The following SLC36A3 variants were observed in gnomAD, a reference collection of about 807,000 sequenced individuals.
The protein encoded by SLC36A3 is solute carrier family 36 member 3.
Under a neutral mutation model 44.3 loss-of-function variants are expected in SLC36A3, and 35 were observed. The observed-to-expected ratio is 0.79, with a 90% CI of 0.60 to 1.05. The LOEUF (loss-of-function observed/expected upper bound fraction) is 1.05, where lower values mean the gene tolerates loss of function less well. Ranked by LOEUF, SLC36A3 falls within the 50% of genes least tolerant of loss-of-function variation. SLC36A3 has a pLI of 0.00. For missense variants in SLC36A3, 540 were observed against 578.7 expected, an observed-to-expected ratio of 0.93 and a Z score of 0.69; for synonymous variants, 211 against 227.6, an observed-to-expected ratio of 0.93 and a Z score of 0.66.
Position 151,284,228 on chromosome 5 carries a change from AG to A in SLC36A3, c.808-19del. ...GGCAGAACCTGGAGGGAAAAAAAAA[AG>A]TTGGGAAAGAAAAGGTAGAAAGAGA... is the stretch of plus-strand genomic sequence containing the variant. On this transcript the variant is annotated intron_variant, in intron 7 of 9. Coordinates refer to ENST00000335230, the MANE Select transcript of SLC36A3 (RefSeq NM_181774.4). The A allele has an allele frequency of 6.3e-7, 1 of 1,588,104 alleles. No individual in the cohort carries two copies. The highest frequency in any genetic ancestry group is 8.5e-7 in the Non-Finnish European group (1 of 1,171,664).
intron 6 of SLC36A3, among the ~76,000 whole-genome samples, chr5:151,285,840 G>A (rs1405292787): frequency 1.3e-5 from 2 of 152,146 alleles, no homozygotes; most frequent in African/African-American, 4.8e-5. Context: ...CTGAGCCAAG[G>A]CACACAGACA....
At chr5:151,293,259 T>G in intron 4 of SLC36A3, 105 bp downstream of exon 4, 1 of 940,356 alleles carries the variant, frequency 1.1e-6, no homozygotes, top group Non-Finnish European at 1.6e-6. Flanking sequence ...TATTGTTTGA[T>G]AGTTTACAAT....
chr5:151,296,442 G>A (rs1754962653), intron 2 of SLC36A3, 174 bp from the exon 3 acceptor site: 2 of 645,412 alleles, frequency 3.1e-6, no homozygotes, highest in Non-Finnish European at 5.6e-6. Flanking sequence ...GCTCTTCTTA[G>A]CATCCCTGTA....
At chr5:151,296,661 A>C (rs1056231357) in intron 2 of SLC36A3, 2 of 205,146 alleles carry the variant, frequency 9.7e-6, no homozygotes, top group African/African-American at 4.7e-5. Flanking sequence ...CTCTTCCTCT[A>C]GTACAGAGTT....
intron 5 of SLC36A3, 61 bp downstream of exon 5, chr5:151,288,325 T>A (rs1754622507): frequency 1.5e-6 from 2 of 1,351,084 alleles, no homozygotes; most frequent in East Asian, 4.8e-5. Flanking sequence ...CTTTTGCTAA[T>A]GTAGCCTCAG....
At chr5:151,283,456 A>T (rs1406751666) in intron 8 of SLC36A3, among the ~76,000 whole-genome samples, 1 of 152,224 alleles carries the variant, frequency 6.6e-6, no homozygotes, top group East Asian at 1.9e-4. Context: ...GCAGCTAGTG[A>T]CAGCCCAAAT....
chr5:151,288,424 T>A lies in SLC36A3; in HGVS notation c.451A>T (p.Ser151Cys). The change falls in exon 5 of 10, where the codon AGT (serine) becomes TGT (cysteine). Residue 151 changes from serine to cysteine, a missense_variant. Transcript: ENST00000335230. Reference sequence around the variant, plus strand: ...TCTGCCATAAACATAAAATAAACACTGCAGAAGCCCAGCTGGGTGATGACT... The same window carrying A: ...TCTGCCATAAACATAAAATAAACACAGCAGAAGCCCAGCTGGGTGATGACT... The part of the protein sequence containing the change: ...LLVITQLGFC[S>C]VYFMFMADNL... 1 of 1,602,124 alleles carries A rather than the reference T, an allele frequency of 6.2e-7. No homozygotes were observed. The highest frequency in any genetic ancestry group is 1.7e-4 in the Middle Eastern group (1 of 6,032).
intron 3 of SLC36A3, 37 bp from the exon 4 acceptor site, chr5:151,293,496 AT>A (rs1212327615): frequency 1.3e-6 from 2 of 1,541,690 alleles, no homozygotes; most frequent in East Asian, 2.3e-5. Context: ...AATTTAAAAC[AT>A]TTTTGTTAAA....
chr5:151,289,709 A>G (rs1031676168), intron 4 of SLC36A3, among the ~76,000 whole-genome samples: 2 of 152,184 alleles, frequency 1.3e-5, no homozygotes, highest in Non-Finnish European at 2.9e-5. Flanking sequence ...GCGGGCTTGT[A>G]TGATTGCTTC....
Position 151,284,613 on chromosome 5 carries a change from C to T in SLC36A3, c.807G>A (p.Met269Ile), listed in dbSNP as rs368322733. The change falls in exon 7 of 10, where the codon ATG (methionine) becomes ATA (isoleucine). Residue 269 changes from methionine (M) to isoleucine (I), a missense_variant and splice_region_variant. Coordinates refer to ENST00000335230, the MANE Select transcript of SLC36A3 (RefSeq NM_181774.4). ...TTCGCGTGAACCCCATCAATCTTAC[C>T]ATACCGACGCCTTCAAATGTGAAGA... ...TAIFTFEGVG[M>I]VLPLKNQMKH... 1 of 1,608,512 alleles carries T rather than the reference C, an allele frequency of 6.2e-7. No homozygotes were observed. Among genetic ancestry groups the T allele is most frequent in the African/African-American group, 1.3e-5 (1 of 74,752 alleles).
chr5:151,296,376 TG>T (rs2127270176), intron 2 of SLC36A3, 108 bp from the exon 3 acceptor site: 1 of 902,172 alleles, frequency 1.1e-6, no homozygotes, highest in African/African-American at 1.7e-5. Flanking sequence ...AAACTGTCTT[TG>T]GGGTGACAGA....
In SLC36A3 at chr5:151,284,726, G is replaced by A. The variant is rs765670926; in HGVS notation, c.709-15C>T. On this transcript the variant is annotated splice_polypyrimidine_tract_variant and intron_variant, in intron 6 of 9. Transcript: ENST00000335230. ...TATGGAATCCCCTAAAAGAAAGTGG[G>A]AGAAGCACATTGGTGTTGTTATGGT... The A allele has an allele frequency of 2.4e-5, 38 of 1,599,924 alleles. No individual in the cohort carries two copies. Among genetic ancestry groups the A allele is most frequent in the Non-Finnish European group, 3.1e-5 (36 of 1,169,412 alleles).
intron 5 of SLC36A3, among the ~76,000 whole-genome samples, chr5:151,288,163 G>A (rs1182574910): frequency 6.6e-6 from 1 of 152,172 alleles, no homozygotes; most frequent in East Asian, 1.9e-4. Context: ...ATGATTGCAG[G>A]CCTCTCTTTC....
chr5:151,291,208 C>G (rs1007941075), intron 4 of SLC36A3, among the ~76,000 whole-genome samples: 2 of 152,076 alleles, frequency 1.3e-5, no homozygotes, highest in African/African-American at 4.8e-5. Context: ...GTCTTGACAC[C>G]TGGTCTCAAG....
intron 6 of SLC36A3, among the ~76,000 whole-genome samples, chr5:151,285,350 A>G (rs559745610): frequency 6.6e-6 from 1 of 152,272 alleles, no homozygotes; most frequent in East Asian, 1.9e-4. Flanking sequence ...TCATCTCTAC[A>G]TGTGGAGAAA....
At position 151,288,485 on chromosome 5, in the gene SLC36A3, A is replaced by G; in HGVS notation, c.405-15T>C. On this transcript the variant is annotated splice_polypyrimidine_tract_variant and intron_variant, in intron 4 of 9. Transcript: ENST00000335230. ...TGACAGTGTACCTGGGAAGGAAAGG[A>G]AGAGGCAGACAGAGGGAGGAAACAA... The G allele has an allele frequency of 6.6e-7, 1 of 1,520,576 alleles. No homozygotes were observed. The highest frequency in any genetic ancestry group is 8.9e-7 in the Non-Finnish European group (1 of 1,125,188). 94.2% of individuals were successfully genotyped at this position (1,520,576 alleles called of 1,614,324 possible).
chr5:151,284,313 G>T, intron 7 of SLC36A3, 103 bp from the exon 8 acceptor site: 2 of 1,218,676 alleles, frequency 1.6e-6, no homozygotes, highest in Non-Finnish European at 1.1e-6. Context: ...TCCCCAGGTG[G>T]GCCCAGTATC....
chr5:151,282,979 G>A (rs1278125016), intron 8 of SLC36A3, among the ~76,000 whole-genome samples: 1 of 151,540 alleles, frequency 6.6e-6, no homozygotes, highest in Non-Finnish European at 1.5e-5. Flanking sequence ...CTGCCTCACA[G>A]GCTCAAGCAA....
In SLC36A3 at chr5:151,281,183, C is replaced by G. The variant is rs771931547; in HGVS notation, c.975G>C (p.Trp325Cys). The stretch of plus-strand genomic sequence containing the variant: ...ACATCAGCTTGACTGACTGGTACAA[C>G]CTGCAGACACATGAATTGGATGTGA... ...ASITLNLPNCWLYQSVKLMYS... is the reference protein window; with the variant it reads ...ASITLNLPNCCLYQSVKLMYS... Residue 325 changes from tryptophan (W) to cysteine (C), a missense_variant and splice_region_variant, in exon 9 of 10, where the codon TGG becomes TGC. Physicochemically the swap from Trp to Cys is radical, Grantham distance 215 (BLOSUM62 -2). Transcript: ENST00000335230. 12 of 1,604,386 alleles carry G rather than the reference C, an allele frequency of 7.5e-6. No homozygotes were observed. In the Admixed American group the frequency reaches 1.0e-4, roughly 14 times the overall value.
Sources: allele counts gnomAD v4.1 joint callset (sites outside exome capture counted in the v4.1 genomes callset), GRCh38; gene constraint gnomAD v4.1.1; transcripts MANE v1.5; gene names NCBI Gene and HGNC (gene_info 2026-07-23, HGNC 2026-07-21).